The following SULF2 variants were observed in gnomAD, a reference collection of about 807,000 sequenced individuals.
SULF2 encodes sulfatase 2.
Under a neutral mutation model 107.7 loss-of-function variants are expected in SULF2, and 52 were observed. The ratio of observed to expected loss-of-function variants is 0.48; its 90% CI spans 0.39 to 0.61. The LOEUF (loss-of-function observed/expected upper bound fraction) is 0.61, where lower values mean the gene tolerates loss of function less well. SULF2 is among the 20% of genes least tolerant of loss of function. The pLI is 0.00. For missense variants in SULF2, 993 were observed against 1,177.3 expected (o/e 0.84, Z 2.29); for synonymous variants, 460 against 464.3 (o/e 0.99, Z 0.12).
intron 2 of SULF2, among the ~76,000 whole-genome samples, chr20:47,744,806 T>A (rs1186688333): frequency 6.6e-6 from 1 of 152,260 alleles, no homozygotes; most frequent in East Asian, 1.9e-4. Context: ...AAAGTCCACC[T>A]GGCATGGGGC....
intron 3 of SULF2, among the ~76,000 whole-genome samples, chr20:47,723,946 C>T (rs904638992): frequency 6.6e-6 from 1 of 152,166 alleles, no homozygotes; most frequent in African/African-American, 2.4e-5. Context: ...TTGCTTGTAC[C>T]AGAATGGTTG....
Position 47,690,188 on chromosome 20 carries a change from G to C in SULF2, c.675C>G (p.Pro225=). 6.4e-7 allele frequency: 1 copy of C among 1,569,276 alleles called. No homozygotes were observed. Among genetic ancestry groups the C allele is most frequent in the Non-Finnish European group, 8.7e-7 (1 of 1,154,414 alleles). Reference sequence around the variant, plus strand: ...GTGGGGCTGAATCCTCAGGGCCGTGGGGGGCTGCATGGCTGATGACCATGA... The same window carrying C: ...GTGGGGCTGAATCCTCAGGGCCGTGCGGGGCTGCATGGCTGATGACCATGA... ...PVLMVISHAA[P]HGPEDSAPQY... The change falls in exon 5 of 21, where the codon CCC becomes CCG. Residue 225 remains proline (P), a synonymous_variant. Transcript: ENST00000688720.
At chr20:47,719,463 G>C (rs1275716995) in intron 3 of SULF2, among the ~76,000 whole-genome samples, 3 of 152,176 alleles carry the variant, frequency 2.0e-5, no homozygotes, top group Non-Finnish European at 4.4e-5. Flanking sequence ...CGCCCAGGAT[G>C]ATGGAACGCC....
At position 47,694,376 on chromosome 20, in the gene SULF2, G is replaced by T. The variant is rs1288661027; in HGVS notation, c.568-4081C>A. On this transcript the variant is annotated intron_variant, in intron 4 of 20. Transcript: ENST00000688720. The surrounding 1 kb of genome is among the most constrained non-coding windows in gnomAD (Gnocchi z 4.4). ...GAAGGGTAGAGAAGGCCTGGGCCGG[G>T]GGAAAGGCTGAGTTCAGAGATGGGC... 2.0e-5 allele frequency among the ~76,000 whole-genome samples: 3 copies of T among 152,228 alleles called. No individual in the cohort carries two copies. The East Asian group carries it at 5.8e-4, about 29-fold the overall frequency.
intron 2 of SULF2, among the ~76,000 whole-genome samples, chr20:47,742,205 A>C (rs2089901018): frequency 1.3e-5 from 2 of 152,210 alleles, no homozygotes. Context: ...ACAAAAACAT[A>C]TGATCTCATC....
intron 8 of SULF2, 145 bp from the exon 9 acceptor site, chr20:47,677,279 G>A: frequency 1.2e-6 from 1 of 823,398 alleles, no homozygotes. Context: ...GCCCAGCTGG[G>A]CACTAGAGCA....
intron 2 of SULF2, among the ~76,000 whole-genome samples, chr20:47,751,635 C>T (rs61093835): frequency 0.2 from 30,942 of 152,024 alleles, 3,361 homozygotes; most frequent in East Asian, 0.28. Context: ...ACAGAGGCCA[C>T]CCAGAGACAA....
chr20:47,786,466 C>T (rs958680461), upstream of SULF2: 1 of 152,226 alleles, frequency 6.6e-6, no homozygotes, highest in African/African-American at 2.4e-5. Flanking sequence ...TCGCCTCCAG[C>T]CACACACATT....
intron 2 of SULF2, among the ~76,000 whole-genome samples, chr20:47,740,749 G>A (rs2089858708): frequency 6.6e-6 from 1 of 152,138 alleles, no homozygotes; most frequent in African/African-American, 2.4e-5. Flanking sequence ...ATTAGAATTT[G>A]GCAATCATTG....
At chr20:47,679,459 T>C (rs974318540) in intron 7 of SULF2, among the ~76,000 whole-genome samples, 1 of 152,194 alleles carries the variant, frequency 6.6e-6, no homozygotes, top group Non-Finnish European at 1.5e-5. Flanking sequence ...GTCACTCCCG[T>C]GGTTGTGTTA....
At chr20:47,777,973 CAAAAAAAA>C (rs11322737) in intron 1 of SULF2, among the ~76,000 whole-genome samples, 1 of 132,612 alleles carries the variant, frequency 7.5e-6, no homozygotes, top group Non-Finnish European at 1.6e-5. Flanking sequence ...TCATCTCTAC[CAAAAAAAA>C]AAAAAAAAAA....
At chr20:47,783,384 G>A (rs967402299) in intron 1 of SULF2, among the ~76,000 whole-genome samples, 3 of 152,188 alleles carry the variant, frequency 2.0e-5, no homozygotes, top group Non-Finnish European at 4.4e-5. Context: ...GGTCCAAGCA[G>A]ATAAACTAAC....
At chr20:47,754,984 C>T (rs1298095959) in intron 2 of SULF2, among the ~76,000 whole-genome samples, 1 of 151,502 alleles carries the variant, frequency 6.6e-6, no homozygotes, top group Non-Finnish European at 1.5e-5. Context: ...CAGGTGTGTG[C>T]CACCATCCTT....
Position 47,665,190 on chromosome 20 carries a change from C to T in SULF2, c.1997+9G>A, listed in dbSNP as rs1417005146. On this transcript the variant is annotated intron_variant, in intron 14 of 20. Coordinates refer to ENST00000688720, the MANE Select transcript of SULF2 (RefSeq NM_001387048.1). Reference sequence around the variant, plus strand: ...GGGTCTTAGGGAGGTCCCTTTGCTACTGCCTCACCTGATTTTGTGACAGTC... The same window carrying T: ...GGGTCTTAGGGAGGTCCCTTTGCTATTGCCTCACCTGATTTTGTGACAGTC... 8 of 1,604,808 alleles carry T rather than the reference C, an allele frequency of 5.0e-6. No individual in the cohort carries two copies. The highest frequency in any genetic ancestry group is 6.0e-6 in the Non-Finnish European group (7 of 1,171,426).
rs542597507 is a variant in SULF2 at position 47,754,084 on chromosome 20, G to A, written c.175+3105C>T. 5.3e-5 allele frequency among the ~76,000 whole-genome samples: 8 copies of A among 152,280 alleles called. No homozygotes were observed. The South Asian group carries it at 1.7e-3, about 32-fold the overall frequency. Reference sequence around the variant, plus strand: ...CAAATGACAGCTTAGGGAGTCAAATGCGTGCAGGGAAAGGAAAATTGAATA... The same window carrying A: ...CAAATGACAGCTTAGGGAGTCAAATACGTGCAGGGAAAGGAAAATTGAATA... On this transcript the variant is annotated intron_variant, in intron 2 of 20. Coordinates refer to ENST00000688720, the MANE Select transcript of SULF2 (RefSeq NM_001387048.1).
At chr20:47,766,365 T>A (rs1466836704) in intron 1 of SULF2, among the ~76,000 whole-genome samples, 1 of 152,148 alleles carries the variant, frequency 6.6e-6, no homozygotes, top group African/African-American at 2.4e-5. Context: ...TTCTTGGAAT[T>A]CCAAATGGAG....
At chr20:47,658,615 G>A (rs1268844671) in intron 20 of SULF2, among the ~76,000 whole-genome samples, 1 of 152,184 alleles carries the variant, frequency 6.6e-6, no homozygotes, top group African/African-American at 2.4e-5. Flanking sequence ...GGACAGAATA[G>A]TGGCTAAGGA....
At chr20:47,763,312 C>T (rs916625986) in intron 1 of SULF2, among the ~76,000 whole-genome samples, 5 of 138,382 alleles carry the variant, frequency 3.6e-5, no homozygotes, top group Admixed American at 3.5e-4. Flanking sequence ...ATTTCTCTGC[C>T]GATCTGCCAA....
intron 15 of SULF2, 133 bp downstream of exon 15, chr20:47,663,997 T>A (rs571306507): frequency 1.7e-4 from 164 of 968,460 alleles, no homozygotes; most frequent in Admixed American, 3.6e-4. Context: ...TAAGGCCTCT[T>A]CGAGGGCTAC....
Sources: allele counts gnomAD v4.1 joint callset (sites outside exome capture counted in the v4.1 genomes callset), GRCh38; gene constraint gnomAD v4.1.1; non-coding constraint Gnocchi (gnomAD v3.1); transcripts MANE v1.5; gene names NCBI Gene and HGNC (gene_info 2026-07-23, HGNC 2026-07-21).